The following SENP6 variants were observed in gnomAD, a reference collection of about 807,000 sequenced individuals.
SENP6 encodes the protein SUMO specific peptidase 6, also known as sentrin-specific protease 6.
A neutral mutation model predicts 134.5 loss-of-function variants in SENP6; 41 were observed. The ratio of observed to expected loss-of-function variants is 0.30; its 90% CI spans 0.24 to 0.40. SENP6 has a LOEUF of 0.40. Among genes scored for constraint, SENP6 ranks in the 10% least tolerant of loss-of-function variants. The probability of loss-of-function intolerance (pLI) is 1.00; values close to 1 mark genes in which losing one functional copy is unlikely to be tolerated. For synonymous variants in SENP6, 395 were observed against 429.8 expected (o/e 0.92, Z 1.00); for missense variants, 1,248 against 1,312.5 (o/e 0.95, Z 0.76).
At chr6:75,674,335 T>A (rs1348616337) in intron 11 of SENP6, among the ~76,000 whole-genome samples, 1 of 152,012 alleles carries the variant, frequency 6.6e-6, no homozygotes, top group East Asian at 1.9e-4. Flanking sequence ...GTTTTTCTTT[T>A]TTTGAGATGA....
At chr6:75,670,755 A>G (rs773482564) in intron 11 of SENP6, 35 bp downstream of exon 11, 24 of 1,296,630 alleles carry the variant, frequency 1.9e-5, no homozygotes, top group Admixed American at 2.8e-5. Flanking sequence ...TATACCAATT[A>G]TAACATTAAA....
rs757442596 is a variant in SENP6 at position 75,621,644 on chromosome 6, C to T, written c.146+19C>T. ...ATAAAGAGTAAGGATTTTTTTTTCC[C>T]TCAGATGTTTTATAAGAATAAAACT... On this transcript the variant is annotated intron_variant, in intron 2 of 23. Transcript: ENST00000447266. The T allele has an allele frequency of 2.1e-6, 3 of 1,445,540 alleles. No homozygotes were observed. The highest frequency in any genetic ancestry group is 2.9e-6 in the Non-Finnish European group (3 of 1,040,440). The allele number at this position is 1,445,540 out of a possible 1,614,324, so 89.5% of individuals were successfully genotyped here.
intron 7 of SENP6, among the ~76,000 whole-genome samples, chr6:75,652,132 G>A (rs976483320): frequency 5.3e-5 from 8 of 151,862 alleles, no homozygotes; most frequent in African/African-American, 1.7e-4. Context: ...AGCCACAATC[G>A]CGCCACTGTC....
chr6:75,688,185 C>T (rs976643588), intron 16 of SENP6, among the ~76,000 whole-genome samples: 6 of 152,196 alleles, frequency 3.9e-5, no homozygotes, highest in East Asian at 1.9e-4. Context: ...GCTCCATGGG[C>T]GTGGGAGCCG....
At chr6:75,669,965 A>G (rs900861604) in intron 10 of SENP6, among the ~76,000 whole-genome samples, 2 of 151,628 alleles carry the variant, frequency 1.3e-5, no homozygotes, top group African/African-American at 4.8e-5. Flanking sequence ...AGGAATTTCG[A>G]TCTTGTTGCC....
At chr6:75,602,726 G>A (rs1766725640) in intron 1 of SENP6, 150 bp downstream of exon 1, 1 of 881,722 alleles carries the variant, frequency 1.1e-6, no homozygotes, top group South Asian at 1.7e-5. Flanking sequence ...GGAGTGTGCT[G>A]CGAGCGCACC....
chr6:75,679,771 A>G lies in SENP6; in HGVS notation c.2075+844A>G, dbSNP rs560563902. On this transcript the variant is annotated intron_variant, in intron 16 of 23. Coordinates refer to ENST00000447266, the MANE Select transcript of SENP6 (RefSeq NM_015571.4). Reference sequence around the variant, plus strand: ...TATAAAATGGACATGTATATGAAATAAAACAGAACTTAGCATCAGTATGCA... The same window carrying G: ...TATAAAATGGACATGTATATGAAATGAAACAGAACTTAGCATCAGTATGCA... 5.9e-5 allele frequency: 9 copies of G among 152,344 alleles called. No homozygotes were observed. In the East Asian group the frequency reaches 1.5e-3, roughly 26 times the overall value. 9.4% of individuals were successfully genotyped at this position (152,344 alleles called of 1,614,324 possible). A position where few individuals can be genotyped will look rare whatever the true frequency, so the allele number is the denominator to read the frequency against.
Position 75,614,461 on chromosome 6 carries a change from A to G in SENP6, c.53-7071A>G, listed in dbSNP as rs1032655645. 6.6e-5 allele frequency among the ~76,000 whole-genome samples: 10 copies of G among 151,852 alleles called. 1 individual carries two copies. The highest frequency in any genetic ancestry group is 5.9e-4 in the Admixed American group (9 of 15,244). ...TTTTGTATTTTTAGTAGAGATGGGG[A>G]ATTACCATATTGGCCAGACTGGTCT... On this transcript the variant is annotated intron_variant, in intron 1 of 23. Coordinates refer to ENST00000447266, the MANE Select transcript of SENP6 (RefSeq NM_015571.4).
At chr6:75,617,518 C>T (rs1009046992) in intron 1 of SENP6, among the ~76,000 whole-genome samples, 3 of 151,904 alleles carry the variant, frequency 2.0e-5, no homozygotes, top group East Asian at 1.9e-4. Context: ...GTGATCCGCC[C>T]GCCTCCGCCT....
At chr6:75,622,241 G>A (rs747441414) in intron 2 of SENP6, among the ~76,000 whole-genome samples, 12 of 152,168 alleles carry the variant, frequency 7.9e-5, no homozygotes, top group African/African-American at 2.9e-4. Flanking sequence ...TGTTTGTCAT[G>A]AGATTTGTTT....
chr6:75,615,487 A>G (rs1767785480), intron 1 of SENP6, among the ~76,000 whole-genome samples: 1 of 152,090 alleles, frequency 6.6e-6, no homozygotes, highest in African/African-American at 2.4e-5. Flanking sequence ...GCCTGCTAAG[A>G]GTTTTTGTTT....
chr6:75,695,758 G>T, intron 16 of SENP6, 46 bp from the exon 17 acceptor site: 1 of 1,450,426 alleles, frequency 6.9e-7, no homozygotes, highest in South Asian at 1.3e-5. Context: ...AATAAATAAA[G>T]TGAACTGTTA....
At chr6:75,621,091 CG>C in intron 1 of SENP6, among the ~76,000 whole-genome samples, 1 of 152,202 alleles carries the variant, frequency 6.6e-6, no homozygotes, top group South Asian at 2.1e-4. Flanking sequence ...AAACCGAAAA[CG>C]TTGTTTGTTT....
At chr6:75,626,124 GTTT>G (rs779114565) in intron 3 of SENP6, among the ~76,000 whole-genome samples, 26 of 90,648 alleles carry the variant, frequency 2.9e-4, no homozygotes, top group Non-Finnish European at 4.8e-4. Context: ...AGAGAGTTAG[GTTT>G]GTTGTTGTTG....
chr6:75,603,736 C>A (rs751816278), intron 1 of SENP6, among the ~76,000 whole-genome samples: 3 of 152,022 alleles, frequency 2.0e-5, no homozygotes, highest in Non-Finnish European at 4.4e-5. Flanking sequence ...ACAGTAGGTA[C>A]TCAGTGTTAG....
chr6:75,713,125 A>G (rs1369469536), intron 21 of SENP6, among the ~76,000 whole-genome samples: 2 of 151,714 alleles, frequency 1.3e-5, no homozygotes, highest in Non-Finnish European at 2.9e-5. Flanking sequence ...GGTTGGGGGG[A>G]TTATTTTCTT....
Position 75,633,742 on chromosome 6 carries a change from C to T in SENP6, c.353+16C>T, listed in dbSNP as rs762961834. The stretch of plus-strand genomic sequence containing the variant: ...AGAAATTGAGGTATAGGCACTTCAC[C>T]ACACATTCCTACAGAAAAGATAAAG... On this transcript the variant is annotated intron_variant, in intron 4 of 23. Coordinates refer to ENST00000447266, the MANE Select transcript of SENP6 (RefSeq NM_015571.4). The T allele has an allele frequency of 2.1e-5, 34 of 1,582,418 alleles. 1 individual carries two copies. Among genetic ancestry groups the T allele is most frequent in the South Asian group, 8.2e-5 (7 of 85,152 alleles).
At chr6:75,631,021 A>ATT (rs201264695) in intron 3 of SENP6, among the ~76,000 whole-genome samples, 4 of 146,134 alleles carry the variant, frequency 2.7e-5, no homozygotes, top group African/African-American at 5.0e-5. Flanking sequence ...CATACATTGG[A>ATT]TTTTTTTTTT....
intron 9 of SENP6, among the ~76,000 whole-genome samples, chr6:75,666,086 CGTATATATGATATATATAAAAT>C (rs1391246781): frequency 7.0e-4 from 100 of 142,676 alleles, no homozygotes; most frequent in Admixed American, 1.1e-3. Flanking sequence ...ATATATAAAA[CGTATATATGATATATATAAAAT>C]GTATATATGA....
Sources: gnomAD v4.1 joint callset for allele counts (sites outside exome capture counted in the v4.1 genomes callset) on GRCh38, gnomAD v4.1.1 for gene constraint, MANE v1.5 for transcripts, NCBI Gene and HGNC (gene_info 2026-07-23, HGNC 2026-07-21) for gene names.